DAW1: variants seen among roughly 807,000 people sequenced by gnomAD.
The protein encoded by DAW1 is dynein assembly factor with WD repeats 1, also known as dynein assembly factor with WD repeat domains 1.
A neutral mutation model predicts 56.5 loss-of-function variants in DAW1; 47 were observed. The ratio of observed to expected loss-of-function variants is 0.83; its 90% CI spans 0.66 to 1.06. DAW1 has a LOEUF of 1.06. Ranked by LOEUF, DAW1 falls within the 50% of genes least tolerant of loss-of-function variation. The pLI is 0.00. For synonymous variants in DAW1, 190 were observed against 179.0 expected, an observed-to-expected ratio of 1.06 and a Z score of -0.49; for missense variants, 505 against 499.3, an observed-to-expected ratio of 1.01 and a Z score of -0.11.
intron 10 of DAW1, among the ~76,000 whole-genome samples, chr2:227,907,634 G>A (rs548245442): frequency 4.7e-4 from 71 of 152,054 alleles, no homozygotes; most frequent in Admixed American, 7.2e-4. Context: ...CGCAACCTCC[G>A]CCTCCCAGGC....
chr2:227,876,365 G>T, intron 1 of DAW1: 1 of 1,147,010 alleles, frequency 8.7e-7, no homozygotes. Flanking sequence ...ACTCATGTTT[G>T]CGACTATTGC....
At position 227,898,163 on chromosome 2, in the gene DAW1, C is replaced by T. The variant is rs1691457615; in HGVS notation, c.441-19C>T. On this transcript the variant is annotated intron_variant, in intron 5 of 12. Coordinates refer to ENST00000309931, the MANE Select transcript of DAW1 (RefSeq NM_178821.3). ...AATGTGTCTTTTTTTAAATAATCTA[C>T]ATTTCTTTTAAATCTTAGTGACAAA... is the stretch of plus-strand genomic sequence containing the variant. 1.3e-6 allele frequency: 2 copies of T among 1,501,554 alleles called. No homozygotes were observed. Among genetic ancestry groups the T allele is most frequent in the South Asian group, 1.4e-5 (1 of 72,786 alleles). 93.0% of individuals were successfully genotyped at this position (1,501,554 alleles called of 1,614,324 possible).
rs371434237 is a variant in DAW1, at chr2:227,903,108, G to C, written c.647G>C (p.Arg216Thr). The change falls in exon 7 of 13, where the codon AGA becomes ACA. Residue 216 changes from arginine (R) to threonine (T), a missense_variant and splice_region_variant. Arg to Thr is a moderately conservative substitution (Grantham distance 71). Transcript: ENST00000309931. ...AATGGCGAGGAAGTTTACACCTTAA[G>C]AGTATGTCAATAATGTTAATAAGCC... ...IQNGEEVYTL[R>T]GHSAEIISLS... The C allele has an allele frequency of 5.8e-5, 93 of 1,612,936 alleles. No individual in the cohort carries two copies. Among genetic ancestry groups the C allele is most frequent in the Non-Finnish European group, 7.7e-5 (91 of 1,179,112 alleles).
At chr2:227,912,990 A>G (rs1184217737) in intron 10 of DAW1, among the ~76,000 whole-genome samples, 1 of 152,218 alleles carries the variant, frequency 6.6e-6, no homozygotes, top group Non-Finnish European at 1.5e-5. Context: ...TTATAGCATC[A>G]TAAATGTTAC....
chr2:227,874,835 G>A (rs2106183041), intron 1 of DAW1, among the ~76,000 whole-genome samples: 1 of 151,808 alleles, frequency 6.6e-6, no homozygotes, highest in South Asian at 2.1e-4. Flanking sequence ...TGGTGGTGCG[G>A]GTCTGTAATC....
intron 1 of DAW1, 140 bp from the exon 2 acceptor site, chr2:227,885,211 A>G (rs1182452948): frequency 5.7e-6 from 3 of 522,458 alleles, no homozygotes; most frequent in Non-Finnish European, 6.6e-6. Context: ...TTGTTTTGGA[A>G]CTAGATATCA....
chr2:227,898,219 A>G lies in DAW1; in HGVS notation c.478A>G (p.Lys160Glu). The change falls in exon 6 of 13, where the codon AAA becomes GAA. Residue 160 changes from lysine to glutamate, a missense_variant. Coordinates refer to ENST00000309931, the MANE Select transcript of DAW1 (RefSeq NM_178821.3). ...IATGSFDKTC[K>E]LWSVETGKCY... is the part of the protein sequence containing the mutation. The stretch of plus-strand genomic sequence containing the variant: ...CACTGGGTCCTTTGATAAAACTTGT[A>G]AACTCTGGAGTGTGGAAACAGGAAA... 1 of 1,576,942 alleles carries G rather than the reference A, an allele frequency of 6.3e-7. No homozygotes were observed. Among genetic ancestry groups the G allele is most frequent in the Non-Finnish European group, 8.6e-7 (1 of 1,158,786 alleles).
At chr2:227,905,098 AT>A in intron 8 of DAW1, 63 bp downstream of exon 8, 2 of 1,436,616 alleles carry the variant, frequency 1.4e-6, no homozygotes, top group East Asian at 2.4e-5. Context: ...ACCCTCTGTT[AT>A]TTTTTAGTTT....
At chr2:227,906,424 T>A in intron 9 of DAW1, 86 bp downstream of exon 9, 1 of 859,482 alleles carries the variant, frequency 1.2e-6, no homozygotes. Flanking sequence ...TTAACAGATT[T>A]CAAAGATGAT....
chr2:227,891,745 A>G (rs1691271810), intron 4 of DAW1, among the ~76,000 whole-genome samples: 1 of 152,208 alleles, frequency 6.6e-6, no homozygotes, highest in South Asian at 2.1e-4. Flanking sequence ...GAGATGAGGG[A>G]GAAGTCTCGT....
At chr2:227,911,199 CATAT>C (rs761935268) in intron 10 of DAW1, among the ~76,000 whole-genome samples, 27 of 88,626 alleles carry the variant, frequency 3.0e-4, no homozygotes, top group Admixed American at 6.6e-4. Context: ...TATACACATA[CATAT>C]ATATGTGTAT....
intron 6 of DAW1, among the ~76,000 whole-genome samples, chr2:227,902,230 C>A (rs62192089): frequency 1.4e-4 from 21 of 152,104 alleles, no homozygotes; most frequent in Non-Finnish European, 2.2e-4. Context: ...GGTGATGAGG[C>A]AGGGAAGCAG....
intron 10 of DAW1, among the ~76,000 whole-genome samples, chr2:227,917,142 A>G (rs13014482): frequency 0.13 from 17,830 of 138,066 alleles, 1,178 homozygotes; most frequent in East Asian, 0.21. Flanking sequence ...CTATCTATCT[A>G]TCTGTCTGTC....
intron 1 of DAW1, 38 bp from the exon 2 acceptor site, chr2:227,885,313 T>A: frequency 7.1e-7 from 1 of 1,411,668 alleles, no homozygotes; most frequent in African/African-American, 1.5e-5. Flanking sequence ...TAGGTGGTTA[T>A]CGTAAGTGTT....
chr2:227,887,376 A>G (rs1026616513), intron 2 of DAW1, among the ~76,000 whole-genome samples: 1 of 152,180 alleles, frequency 6.6e-6, no homozygotes, highest in Admixed American at 6.5e-5. Context: ...ACATTTGTTT[A>G]TTTAGTCAGC....
At chr2:227,923,808 C>G in intron 12 of DAW1, 126 bp from the exon 13 acceptor site, 1 of 1,129,316 alleles carries the variant, frequency 8.9e-7, no homozygotes, top group East Asian at 2.6e-5. Context: ...CAGCTAGGCG[C>G]GGAGAACCTA....
intron 5 of DAW1, among the ~76,000 whole-genome samples, chr2:227,894,446 C>CT (rs1691359584): frequency 6.6e-6 from 1 of 152,026 alleles, no homozygotes; most frequent in African/African-American, 2.4e-5. Context: ...TTCAAATATG[C>CT]TTCCAAGGAT....
At chr2:227,909,922 C>T (rs977815176) in intron 10 of DAW1, among the ~76,000 whole-genome samples, 46 of 152,130 alleles carry the variant, frequency 3.0e-4, no homozygotes. Context: ...TATCCCTTAA[C>T]ACAGTCAAGT....
At chr2:227,908,508 A>G (rs1204279338) in intron 10 of DAW1, among the ~76,000 whole-genome samples, 1 of 152,166 alleles carries the variant, frequency 6.6e-6, no homozygotes, top group Non-Finnish European at 1.5e-5. Context: ...AGTCATTCCC[A>G]TGACAACCAT....
Sources: gnomAD v4.1 joint callset for allele counts (sites outside exome capture counted in the v4.1 genomes callset) on GRCh38, gnomAD v4.1.1 for gene constraint, MANE v1.5 for transcripts, NCBI Gene and HGNC (gene_info 2026-07-23, HGNC 2026-07-21) for gene names.